PTPN20: variants seen among roughly 807,000 people sequenced by gnomAD.
The protein encoded by PTPN20 is protein tyrosine phosphatase non-receptor type 20.
A neutral mutation model predicts 35.0 loss-of-function variants in PTPN20; 9 were observed. The ratio of observed to expected loss-of-function variants is 0.26; its 90% CI spans 0.15 to 0.45. The LOEUF (loss-of-function observed/expected upper bound fraction) is 0.45, where lower values mean the gene tolerates loss of function less well. Ranked by LOEUF, PTPN20 falls within the 20% of genes least tolerant of loss-of-function variation. The probability of loss-of-function intolerance (pLI) is 1.00; values close to 1 mark genes in which losing one functional copy is unlikely to be tolerated. For synonymous variants in PTPN20, 32 were observed against 100.2 expected (o/e 0.32, Z 4.06); for missense variants, 111 against 312.5 (o/e 0.36, Z 4.86).
At chr10:46,951,627 T>C (rs1236754137) in intron 5 of PTPN20, among the ~76,000 whole-genome samples, 4 of 151,856 alleles carry the variant, frequency 2.6e-5, no homozygotes, top group Admixed American at 6.6e-5. Context: ...CTAAATATTA[T>C]AGGGGTATAG....
chr10:46,932,062 TTG>T (rs71023200), intron 1 of PTPN20, among the ~76,000 whole-genome samples: 3,329 of 132,870 alleles, frequency 0.025, 124 homozygotes, highest in African/African-American at 0.057. Flanking sequence ...TTGATTGAAT[TTG>T]TGTGTGTGTG....
chr10:46,998,512 G>C (rs2059540561), intron 9 of PTPN20, among the ~76,000 whole-genome samples: 1 of 152,148 alleles, frequency 6.6e-6, no homozygotes, highest in South Asian at 2.1e-4. Flanking sequence ...TGACTCTATA[G>C]GGATAGCAGG....
Position 47,001,036 on chromosome 10 carries a change from A to G in PTPN20, c.*295A>G. On this transcript the variant is annotated 3_prime_UTR_variant, in exon 11 of 11. Coordinates refer to ENST00000374339, the MANE Select transcript of PTPN20 (RefSeq NM_001042357.5). Reference sequence around the variant, plus strand: ...GGCTATTTGGTTGAAGGGATTACAGAGCCCAATAAAGGATTTAAAATATAT... The same window carrying G: ...GGCTATTTGGTTGAAGGGATTACAGGGCCCAATAAAGGATTTAAAATATAT... 4.4e-6 allele frequency: 2 copies of G among 452,610 alleles called. No homozygotes were observed. The highest frequency in any genetic ancestry group is 8.0e-6 in the Non-Finnish European group (2 of 249,240). 28.0% of individuals were successfully genotyped at this position (452,610 alleles called of 1,614,324 possible).
At chr10:46,982,565 AT>A (rs1239392320) in intron 7 of PTPN20, among the ~76,000 whole-genome samples, 5 of 150,122 alleles carry the variant, frequency 3.3e-5, no homozygotes, top group Non-Finnish European at 5.9e-5. Flanking sequence ...CTAAACATAA[AT>A]TTGTTTTTCT....
chr10:46,939,965 A>G (rs1454157310), intron 2 of PTPN20, among the ~76,000 whole-genome samples: 2 of 152,308 alleles, frequency 1.3e-5, no homozygotes, highest in African/African-American at 4.8e-5. Context: ...AAATCATAAT[A>G]TTTAAGGCTC....
In PTPN20 at chr10:47,000,964, C is replaced by T. The variant is rs2059973197; in HGVS notation, c.*223C>T. Reference sequence around the variant, plus strand: ...TTGCTAGACAATATCAAAATAACTTCCCACATTTTCCAGTGAAACAGATGT... The same window carrying T: ...TTGCTAGACAATATCAAAATAACTTTCCACATTTTCCAGTGAAACAGATGT... On this transcript the variant is annotated 3_prime_UTR_variant, in exon 11 of 11. Coordinates refer to ENST00000374339, the MANE Select transcript of PTPN20 (RefSeq NM_001042357.5). 6.7e-6 allele frequency: 4 copies of T among 599,580 alleles called. No homozygotes were observed. The highest frequency in any genetic ancestry group is 2.9e-5 in the East Asian group (1 of 34,636). The allele number at this position is 599,580 out of a possible 1,614,324, so 37.1% of individuals were successfully genotyped here.
At chr10:46,951,098 G>GT (rs1278785703) in intron 5 of PTPN20, among the ~76,000 whole-genome samples, 1 of 151,584 alleles carries the variant, frequency 6.6e-6, no homozygotes, top group African/African-American at 2.4e-5. Context: ...GTTTATGTTC[G>GT]TTTTATATTT....
At chr10:46,951,121 C>T (rs2046509709) in intron 5 of PTPN20, among the ~76,000 whole-genome samples, 2 of 151,886 alleles carry the variant, frequency 1.3e-5, no homozygotes, top group African/African-American at 2.4e-5. Context: ...ATGGGCAATA[C>T]CAGATTCCTT....
chr10:46,939,050 A>AT (rs1332395852), intron 2 of PTPN20, among the ~76,000 whole-genome samples: 2 of 151,422 alleles, frequency 1.3e-5, no homozygotes, highest in Admixed American at 6.6e-5. Context: ...TTTCCTGTTA[A>AT]TTTTTTTTCT....
At chr10:46,939,578 T>C (rs2042788467) in intron 2 of PTPN20, among the ~76,000 whole-genome samples, 1 of 145,460 alleles carries the variant, frequency 6.9e-6, no homozygotes, top group African/African-American at 2.6e-5. Context: ...TTTTCTGTTA[T>C]TATATTTTTC....
chr10:46,926,897 A>G (rs1339602754), intron 1 of PTPN20, among the ~76,000 whole-genome samples: 1 of 151,090 alleles, frequency 6.6e-6, no homozygotes, highest in Non-Finnish European at 1.5e-5. Flanking sequence ...GGGGTTAGTC[A>G]TGAGCACAGA....
chr10:46,992,937 A>G (rs1280293553), intron 9 of PTPN20, among the ~76,000 whole-genome samples: 1 of 152,180 alleles, frequency 6.6e-6, no homozygotes, highest in African/African-American at 2.4e-5. Context: ...TGACTGTAGC[A>G]TAAGCTGAGT....
chr10:47,000,557 A>G, intron 10 of PTPN20, 119 bp from the exon 11 acceptor site: 1 of 1,123,610 alleles, frequency 8.9e-7, no homozygotes, highest in Non-Finnish European at 1.3e-6. Flanking sequence ...TTATAGTTAA[A>G]TGTTTGCTCT....
intron 9 of PTPN20, among the ~76,000 whole-genome samples, chr10:46,994,360 G>A (rs1429172895): frequency 8.8e-6 from 1 of 113,418 alleles, no homozygotes; most frequent in African/African-American, 3.5e-5. Context: ...ACGGAGTCTC[G>A]CTCTGTGGCC....
intron 5 of PTPN20, among the ~76,000 whole-genome samples, chr10:46,953,379 CT>C (rs1175044167): frequency 7.3e-6 from 1 of 137,018 alleles, no homozygotes; most frequent in African/African-American, 3.2e-5. Flanking sequence ...TTCTTTCTTT[CT>C]TTCTTTCTTT....
intron 5 of PTPN20, among the ~76,000 whole-genome samples, chr10:46,947,197 CAT>C (rs1438160956): frequency 1.5e-5 from 2 of 134,102 alleles, no homozygotes; most frequent in Non-Finnish European, 3.1e-5. Context: ...ATATACTTAA[CAT>C]ATATGTGTAT....
intron 9 of PTPN20, among the ~76,000 whole-genome samples, chr10:46,989,338 G>GT (rs3053339): frequency 4.8e-4 from 35 of 73,622 alleles, no homozygotes; most frequent in East Asian, 3.1e-3. Flanking sequence ...TTTGTTTAGA[G>GT]TTTTTTTTTT....
Position 47,001,851 on chromosome 10 carries a change from G to T in PTPN20, c.*1110G>T, listed in dbSNP as rs1439132007. 1 of 152,008 alleles carries T rather than the reference G, an allele frequency of 6.6e-6. No individual in the cohort carries two copies. Among genetic ancestry groups the T allele is most frequent in the Non-Finnish European group, 1.5e-5 (1 of 67,962 alleles). 9.4% of individuals were successfully genotyped at this position (152,008 alleles called of 1,614,324 possible). Reference sequence around the variant, plus strand: ...TAATTTTATTATAGGACTTTGCCTCGTACAATTAATAGTGATATTTTGGAC... The same window carrying T: ...TAATTTTATTATAGGACTTTGCCTCTTACAATTAATAGTGATATTTTGGAC... On this transcript the variant is annotated 3_prime_UTR_variant, in exon 11 of 11. Transcript: ENST00000374339.
Position 46,940,494 on chromosome 10 carries a change from G to A in PTPN20, c.35-129G>A, listed in dbSNP as rs2043116078. On this transcript the variant is annotated intron_variant, in intron 2 of 10. Transcript: ENST00000374339. ...TGATTACCATAGGAGATAAAGATGG[G>A]GTGTTTGGAAAACAGGAAAAGTAGA... 6.3e-6 allele frequency: 6 copies of A among 955,354 alleles called. No homozygotes were observed. The East Asian group carries it at 9.9e-5, about 16-fold the overall frequency. 59.2% of individuals were successfully genotyped at this position (955,354 alleles called of 1,614,324 possible). A position where few individuals can be genotyped will look rare whatever the true frequency, so the allele number is the denominator to read the frequency against.
Sources: allele counts gnomAD v4.1 joint callset (sites outside exome capture counted in the v4.1 genomes callset), GRCh38; gene constraint gnomAD v4.1.1; transcripts MANE v1.5; gene names NCBI Gene and HGNC (gene_info 2026-07-23, HGNC 2026-07-21).